Variants in FGF2 observed in about 807,000 individuals in gnomAD.
The protein encoded by FGF2 is basic fibroblast growth factor bFGF.
FGF2 carries 13 observed loss-of-function variants against 15.9 expected under a neutral mutation model. The observed-to-expected ratio is 0.82, with a 90% CI of 0.53 to 1.30. The LOEUF is 1.30. Among genes scored for constraint, FGF2 ranks in the 50% most tolerant of loss-of-function variants. The pLI is 0.00. For missense variants in FGF2, 163 were observed against 196.9 expected, an observed-to-expected ratio of 0.83 and a Z score of 1.03; for synonymous variants, 90 against 78.4, an observed-to-expected ratio of 1.15 and a Z score of -0.78.
At chr4:122,846,677 G>A (rs1482901274) in intron 1 of FGF2, among the ~76,000 whole-genome samples, 1 of 152,212 alleles carries the variant, frequency 6.6e-6, no homozygotes, top group African/African-American at 2.4e-5. Context: ...TAAAAGAGAC[G>A]AGATCAAGGG....
intron 1 of FGF2, among the ~76,000 whole-genome samples, chr4:122,846,698 T>C (rs1726119459): frequency 6.6e-6 from 1 of 152,234 alleles, no homozygotes; most frequent in Non-Finnish European, 1.5e-5. Context: ...GAATGGTCAC[T>C]TCTTTACCTA....
intron 2 of FGF2, among the ~76,000 whole-genome samples, chr4:122,878,386 A>G (rs1726898586): frequency 6.6e-6 from 1 of 152,220 alleles, no homozygotes; most frequent in African/African-American, 2.4e-5. Flanking sequence ...ACTCTAGGAC[A>G]TAGGACATGA....
At chr4:122,883,822 A>G (rs1445442155) in intron 2 of FGF2, among the ~76,000 whole-genome samples, 1 of 152,228 alleles carries the variant, frequency 6.6e-6, no homozygotes, top group Non-Finnish European at 1.5e-5. Flanking sequence ...TCTCAGTATT[A>G]GAATGTAATT....
chr4:122,836,962 G>T (rs1234997886), intron 1 of FGF2, among the ~76,000 whole-genome samples: 1 of 152,120 alleles, frequency 6.6e-6, no homozygotes, highest in African/African-American at 2.4e-5. Flanking sequence ...ATTAAGGAAC[G>T]CAGACCTGGG....
chr4:122,852,409 T>C (rs1355746854), intron 1 of FGF2, among the ~76,000 whole-genome samples: 2 of 152,212 alleles, frequency 1.3e-5, no homozygotes, highest in East Asian at 1.9e-4. Flanking sequence ...GCAAGCTCCA[T>C]TGTGTAAGCC....
At chr4:122,845,568 T>C (rs1453721674) in intron 1 of FGF2, among the ~76,000 whole-genome samples, 1 of 152,226 alleles carries the variant, frequency 6.6e-6, no homozygotes, top group African/African-American at 2.4e-5. Context: ...TAACTTGCGC[T>C]AGCTTCTACA....
chr4:122,869,998 A>C (rs1726696733), intron 1 of FGF2, among the ~76,000 whole-genome samples: 1 of 152,180 alleles, frequency 6.6e-6, no homozygotes, highest in South Asian at 2.1e-4. Context: ...TTATTTTGAG[A>C]TATGTTCCAT....
chr4:122,831,570 AAAC>A (rs1725767424), intron 1 of FGF2, among the ~76,000 whole-genome samples: 1 of 152,270 alleles, frequency 6.6e-6, no homozygotes, highest in Non-Finnish European at 1.5e-5. Context: ...TGGGTGCAGT[AAAC>A]AAATGAAGTC....
chr4:122,851,549 A>G (rs1247926212), intron 1 of FGF2, among the ~76,000 whole-genome samples: 1 of 152,334 alleles, frequency 6.6e-6, no homozygotes, highest in Non-Finnish European at 1.5e-5. Context: ...TAGCCGAAAT[A>G]TGGCTTAAAT....
At chr4:122,886,103 T>C (rs917712434) in intron 2 of FGF2, among the ~76,000 whole-genome samples, 1 of 151,706 alleles carries the variant, frequency 6.6e-6, no homozygotes, top group African/African-American at 2.4e-5. Flanking sequence ...TTATTTTTAG[T>C]AGAGATGAGG....
intron 1 of FGF2, among the ~76,000 whole-genome samples, chr4:122,872,587 G>A (rs1726763284): frequency 1.3e-5 from 2 of 151,912 alleles, no homozygotes; most frequent in African/African-American, 2.4e-5. Flanking sequence ...ATTCTCCAAG[G>A]TTGAAATGAA....
At chr4:122,830,118 G>A (rs1382014156) in intron 1 of FGF2, among the ~76,000 whole-genome samples, 1 of 152,164 alleles carries the variant, frequency 6.6e-6, no homozygotes, top group East Asian at 1.9e-4. Flanking sequence ...GTGCCTACAT[G>A]TTTTCTAAAC....
intron 1 of FGF2, among the ~76,000 whole-genome samples, chr4:122,861,524 C>G (rs1726466258): frequency 6.6e-6 from 1 of 151,954 alleles, no homozygotes; most frequent in Non-Finnish European, 1.5e-5. Context: ...TACCTCCCTC[C>G]CTTCCTTCTC....
intron 2 of FGF2, among the ~76,000 whole-genome samples, chr4:122,881,026 G>C (rs536817495): frequency 3.8e-4 from 58 of 152,308 alleles, no homozygotes; most frequent in African/African-American, 1.3e-3. Context: ...AAGCTGCCAA[G>C]GCTTGATGCT....
intron 2 of FGF2, 33 bp downstream of exon 2, chr4:122,876,457 G>C: frequency 7.4e-7 from 1 of 1,352,310 alleles, no homozygotes; most frequent in Non-Finnish European, 1.1e-6. Flanking sequence ...CACGTTTTTT[G>C]TTAGCTTTTA....
chr4:122,892,108 C>A, intron 2 of FGF2, 103 bp from the exon 3 acceptor site: 1 of 1,022,186 alleles, frequency 9.8e-7, no homozygotes. Context: ...ATCACTGCTG[C>A]TGGTTGAGCA....
chr4:122,859,142 A>C (rs1166867657), intron 1 of FGF2, among the ~76,000 whole-genome samples: 2 of 152,178 alleles, frequency 1.3e-5, no homozygotes, highest in Non-Finnish European at 2.9e-5. Context: ...TTGGGTTTCA[A>C]ATTACTTAAA....
At chr4:122,845,365 C>T (rs567441560) in intron 1 of FGF2, among the ~76,000 whole-genome samples, 4 of 152,304 alleles carry the variant, frequency 2.6e-5, no homozygotes, top group African/African-American at 9.6e-5. Flanking sequence ...CACTTAAAGT[C>T]GCCAGCTGCA....
rs1288474683 is a variant in FGF2 at position 122,895,406 on chromosome 4, A to G, written c.*3010A>G. The G allele has an allele frequency of 2.0e-5, 3 of 152,156 alleles. No individual in the cohort carries two copies. Among genetic ancestry groups the G allele is most frequent in the African/African-American group, 4.8e-5 (2 of 41,436 alleles). 9.4% of individuals were successfully genotyped at this position (152,156 alleles called of 1,614,324 possible). A position where few individuals can be genotyped will look rare whatever the true frequency, so the allele number is the denominator to read the frequency against. ...TAATGAAATGGAGTTTATATTTGTT[A>G]TTTCTATTTTGTTATATTTAATAAT... On this transcript the variant is annotated 3_prime_UTR_variant, in exon 3 of 3. Coordinates refer to ENST00000644866, the MANE Select transcript of FGF2 (RefSeq NM_001361665.2).
Sources: allele counts gnomAD v4.1 joint callset (sites outside exome capture counted in the v4.1 genomes callset), GRCh38; gene constraint gnomAD v4.1.1; transcripts MANE v1.5; gene names NCBI Gene and HGNC (gene_info 2026-07-23, HGNC 2026-07-21).